RFX3: variants seen among roughly 807,000 people sequenced by gnomAD.
RFX3 encodes transcription factor RFX3.
RFX3 carries 14 observed loss-of-function variants against 98.6 expected under a neutral mutation model. The observed-to-expected ratio is 0.14, with a 90% confidence interval of 0.09 to 0.22. The LOEUF (loss-of-function observed/expected upper bound fraction) is 0.22. RFX3 is among the 10% of genes least tolerant of loss of function. The pLI is 1.00. For synonymous variants in RFX3, 383 were observed against 328.4 expected (o/e 1.17, Z -1.80); for missense variants, 639 against 926.9 (o/e 0.69, Z 4.03).
At chr9:3,268,221 A>C (rs2131300687) in intron 11 of RFX3, among the ~76,000 whole-genome samples, 1 of 151,950 alleles carries the variant, frequency 6.6e-6, no homozygotes, top group Non-Finnish European at 1.5e-5. Flanking sequence ...TGTGATGTGC[A>C]GAATTTTTTT....
intron 1 of RFX3, among the ~76,000 whole-genome samples, chr9:3,514,440 G>C (rs188757357): frequency 6.6e-6 from 1 of 151,546 alleles, no homozygotes; most frequent in African/African-American, 2.4e-5. Context: ...TAACCAAGTT[G>C]TGTTTTGTTT....
chr9:3,430,437 T>C (rs773305567), intron 1 of RFX3, among the ~76,000 whole-genome samples: 25 of 152,188 alleles, frequency 1.6e-4, no homozygotes, highest in Non-Finnish European at 3.1e-4. Context: ...AAGATAGAGA[T>C]ATAAACATAA....
At chr9:3,295,865 A>G (rs1000068516) in intron 5 of RFX3, among the ~76,000 whole-genome samples, 1 of 152,086 alleles carries the variant, frequency 6.6e-6, no homozygotes, top group Non-Finnish European at 1.5e-5. Context: ...CCAAAAGTAT[A>G]CAAATAATAA....
At chr9:3,477,852 C>T (rs1221877081) in intron 1 of RFX3, among the ~76,000 whole-genome samples, 2 of 152,160 alleles carry the variant, frequency 1.3e-5, no homozygotes, top group African/African-American at 4.8e-5. Flanking sequence ...TTCTGATCCT[C>T]ACATTGAACA....
chr9:3,284,718 T>G (rs980781282), intron 7 of RFX3, among the ~76,000 whole-genome samples: 7 of 151,790 alleles, frequency 4.6e-5, no homozygotes, highest in African/African-American at 1.7e-4. Flanking sequence ...TCTACTTGTA[T>G]TTCTTCTTGG....
At chr9:3,477,375 T>G (rs1367875630) in intron 1 of RFX3, among the ~76,000 whole-genome samples, 3 of 152,208 alleles carry the variant, frequency 2.0e-5, no homozygotes, top group Admixed American at 2.0e-4. Context: ...TTTCTTAGAG[T>G]TCGTGAGAAT....
chr9:3,278,652 T>C (rs1248434635), intron 7 of RFX3, among the ~76,000 whole-genome samples: 1 of 151,870 alleles, frequency 6.6e-6, no homozygotes, highest in East Asian at 1.9e-4. Context: ...TAGAACATCA[T>C]ACAAACTAAT....
At chr9:3,242,159 T>C (rs1374923736) in intron 15 of RFX3, among the ~76,000 whole-genome samples, 5 of 152,182 alleles carry the variant, frequency 3.3e-5, no homozygotes, top group Non-Finnish European at 7.4e-5. Flanking sequence ...TAGTTTTGAT[T>C]TGGGGCAACT....
At chr9:3,269,813 A>G (rs564628006) in intron 11 of RFX3, among the ~76,000 whole-genome samples, 8 of 152,268 alleles carry the variant, frequency 5.3e-5, no homozygotes, top group Admixed American at 5.2e-4. Flanking sequence ...TGTAGGTGAC[A>G]AAGTAAATGC....
chr9:3,335,474 T>G (rs1040153589), intron 3 of RFX3, among the ~76,000 whole-genome samples: 1 of 152,126 alleles, frequency 6.6e-6, no homozygotes. Flanking sequence ...CTCCAGAAAT[T>G]TCCTAAACAT....
intron 1 of RFX3, among the ~76,000 whole-genome samples, chr9:3,427,857 C>A (rs1844266719): frequency 6.6e-6 from 1 of 152,030 alleles, no homozygotes; most frequent in African/African-American, 2.4e-5. Context: ...ATTCTGGATC[C>A]CCATTTCTGT....
At chr9:3,317,100 G>A (rs138536917) in intron 4 of RFX3, among the ~76,000 whole-genome samples, 3,130 of 152,228 alleles carry the variant, frequency 0.021, 49 homozygotes, top group African/African-American at 0.031. Flanking sequence ...GAGGCATCAT[G>A]CTACCTGACT....
At chr9:3,372,036 G>C (rs1837917437) in intron 2 of RFX3, among the ~76,000 whole-genome samples, 1 of 152,080 alleles carries the variant, frequency 6.6e-6, no homozygotes, top group African/African-American at 2.4e-5. Flanking sequence ...AATATTACAT[G>C]CCCCAAATCT....
chr9:3,511,963 G>T (rs957999112), intron 1 of RFX3, among the ~76,000 whole-genome samples: 1 of 152,044 alleles, frequency 6.6e-6, no homozygotes, highest in African/African-American at 2.4e-5. Flanking sequence ...TAGAATGTGT[G>T]TAACACAAGG....
chr9:3,228,987 A>G, intron 15 of RFX3, 98 bp from the exon 16 acceptor site: 1 of 953,406 alleles, frequency 1.0e-6, no homozygotes, highest in Non-Finnish European at 1.6e-6. Context: ...TGACTCTTTA[A>G]AACTGTAAAC....
chr9:3,400,858 C>A (rs1841410522), intron 1 of RFX3, among the ~76,000 whole-genome samples: 1 of 152,126 alleles, frequency 6.6e-6, no homozygotes, highest in Non-Finnish European at 1.5e-5. Flanking sequence ...AACTGAGGCA[C>A]AAATGGATTA....
intron 1 of RFX3, among the ~76,000 whole-genome samples, chr9:3,459,939 C>T (rs1173265456): frequency 6.6e-6 from 1 of 151,916 alleles, no homozygotes. Flanking sequence ...GGTGTAGTTC[C>T]TTTCTACTTC....
chr9:3,228,830 T>G lies in RFX3; in HGVS notation c.2011+17A>C, dbSNP rs541465184. On this transcript the variant is annotated intron_variant, in intron 16 of 16. Transcript: ENST00000617270. ...TAAATAAAAGTTCTTAAAATGTACATTATTTTCGATTCTTACCTTTATCCA... is the reference window on the plus strand; with the variant it reads ...TAAATAAAAGTTCTTAAAATGTACAGTATTTTCGATTCTTACCTTTATCCA... 2.0e-4 allele frequency: 324 copies of G among 1,599,614 alleles called. 3 individuals carry two copies. The South Asian group carries it at 3.5e-3, about 17-fold the overall frequency.
intron 1 of RFX3, among the ~76,000 whole-genome samples, chr9:3,477,718 T>G (rs1464455966): frequency 6.6e-6 from 1 of 152,222 alleles, no homozygotes; most frequent in East Asian, 1.9e-4. Flanking sequence ...TGGAAAGTTT[T>G]CTGCCATTTT....
Sources: gnomAD v4.1 joint callset for allele counts (sites outside exome capture counted in the v4.1 genomes callset) on GRCh38, gnomAD v4.1.1 for gene constraint, MANE v1.5 for transcripts, NCBI Gene and HGNC (gene_info 2026-07-23, HGNC 2026-07-21) for gene names.